CDHR2: variants seen among roughly 807,000 people sequenced by gnomAD.
CDHR2 encodes cadherin-related family member 2.
CDHR2 carries 104 observed loss-of-function variants against 138.6 expected under a neutral mutation model. The ratio of observed to expected loss-of-function variants is 0.75; its 90% CI spans 0.64 to 0.88. CDHR2 has a LOEUF of 0.88. Ranked by LOEUF, CDHR2 falls within the 40% of genes least tolerant of loss-of-function variation. CDHR2 has a pLI of 0.00. For missense variants in CDHR2, 1,624 were observed against 1,727.6 expected, an observed-to-expected ratio of 0.94 and a Z score of 1.06; for synonymous variants, 755 against 742.8, an observed-to-expected ratio of 1.02 and a Z score of -0.27.
At chr5:176,547,257 G>A (rs1180845087), upstream of CDHR2, among the ~76,000 whole-genome samples, 2 of 152,098 alleles carry the variant, frequency 1.3e-5, no homozygotes, top group South Asian at 2.1e-4. Flanking sequence ...GATTACAGGC[G>A]CGAGCCACCA....
chr5:176,581,718 C>A (rs1758539345), intron 17 of CDHR2, 136 bp downstream of exon 17: 3 of 1,155,224 alleles, frequency 2.6e-6, no homozygotes, highest in South Asian at 2.9e-5. Flanking sequence ...TGGCCCCAGG[C>A]AATTACTCAA....
In CDHR2 at chr5:176,591,293, T is replaced by C. The variant is rs1430212020; in HGVS notation, c.3623T>C (p.Ile1208Thr). The C allele has an allele frequency of 2.5e-6, 4 of 1,613,952 alleles. No homozygotes were observed. Among genetic ancestry groups the C allele is most frequent in the African/African-American group, 2.7e-5 (2 of 75,050 alleles). The change falls in exon 29 of 32, where the codon ATC becomes ACC. Residue 1208 changes from isoleucine (I) to threonine (T), a missense_variant. Ile to Thr is a moderately conservative substitution (Grantham distance 89). Coordinates refer to ENST00000261944, the MANE Select transcript of CDHR2 (RefSeq NM_017675.6). ...AAGVMPSAPAIPGTNMYNTER... is the reference protein window; with the variant it reads ...AAGVMPSAPATPGTNMYNTER... ...GGGGTGATGCCCTCAGCCCCTGCCA[T>C]CCCAGGGACTAACATGTACAACACT...
At chr5:176,585,890 G>A in intron 19 of CDHR2, 64 bp from the exon 20 acceptor site, 1 of 1,288,790 alleles carries the variant, frequency 7.8e-7, no homozygotes, top group Non-Finnish European at 1.1e-6. Context: ...GCACAGGGTT[G>A]AGGCCCAGGC....
At chr5:176,585,134 G>T (rs913149766) in intron 19 of CDHR2, 119 bp downstream of exon 19, 1 of 1,240,906 alleles carries the variant, frequency 8.1e-7, no homozygotes, top group Non-Finnish European at 1.1e-6. Context: ...CTTTCCAGCT[G>T]CAAATACTGG....
chr5:176,575,122 G>T lies in CDHR2; in HGVS notation c.534G>T (p.Arg178=). ...CTGGGGACAGCGAGCATCTCTTCCG[G>T]ATCCTGGCCAATGGCTCCATAGTCC... ...PSTGDSEHLF[R]ILANGSIVLN... is the part of the protein sequence containing the mutation. Residue 178 remains arginine (R), a synonymous_variant, in exon 8 of 32, where the codon CGG becomes CGT. Transcript: ENST00000261944. The T allele has an allele frequency of 6.2e-7, 1 of 1,614,172 alleles. No individual in the cohort carries two copies. The highest frequency in any genetic ancestry group is 8.5e-7 in the Non-Finnish European group (1 of 1,180,040).
chr5:176,590,811 AC>A, intron 28 of CDHR2, 124 bp downstream of exon 28: 1 of 1,312,498 alleles, frequency 7.6e-7, no homozygotes, highest in Non-Finnish European at 1.1e-6. Flanking sequence ...CTCCCCAGTG[AC>A]CCAGTGCGAG....
chr5:176,552,564 C>G (rs1757729897), intron 1 of CDHR2, among the ~76,000 whole-genome samples: 1 of 152,234 alleles, frequency 6.6e-6, no homozygotes, highest in Non-Finnish European at 1.5e-5. Context: ...AGTGACCTAT[C>G]ATGGGGAAGG....
Position 176,582,312 on chromosome 5 carries a change from GCCTGGCTA to G in CDHR2, c.2058+731_2058+738del, listed in dbSNP as rs1251996735. 2.0e-5 allele frequency among the ~76,000 whole-genome samples: 3 copies of G among 152,294 alleles called. No homozygotes were observed. In the East Asian group the frequency reaches 5.8e-4, roughly 29 times the overall value. On this transcript the variant is annotated intron_variant, in intron 17 of 31. Transcript: ENST00000261944. Reference sequence around the variant, plus strand: ...TAAGACTAAAGATGCGTGCCACCATGCCTGGCTAATTTGGCTAATTTTTAAAATTTATT... The same window carrying G: ...TAAGACTAAAGATGCGTGCCACCATGATTTGGCTAATTTTTAAAATTTATT...
At chr5:176,563,477 T>C (rs1272639507) in intron 1 of CDHR2, among the ~76,000 whole-genome samples, 1 of 151,952 alleles carries the variant, frequency 6.6e-6, no homozygotes. Flanking sequence ...CTTATTTAGC[T>C]GCTAGAGAAA....
At chr5:176,586,902 G>A in intron 21 of CDHR2, 60 bp downstream of exon 21, 11 of 1,391,448 alleles carry the variant, frequency 7.9e-6, no homozygotes, top group Non-Finnish European at 9.1e-6. Context: ...CAGGGCTGAG[G>A]CCTTCAGGCC....
intron 5 of CDHR2, among the ~76,000 whole-genome samples, chr5:176,569,342 G>A (rs1371629225): frequency 6.8e-6 from 1 of 147,654 alleles, no homozygotes; most frequent in Non-Finnish European, 1.5e-5. Flanking sequence ...GGAGTGCAGT[G>A]GCGCGATCTC....
intron 1 of CDHR2, among the ~76,000 whole-genome samples, chr5:176,549,863 A>G (rs1019040222): frequency 1.3e-5 from 2 of 152,124 alleles, no homozygotes; most frequent in African/African-American, 4.8e-5. Flanking sequence ...CCGTTTCCTC[A>G]TTTATCAAAT....
intron 15 of CDHR2, 99 bp downstream of exon 15, chr5:176,578,194 G>A: frequency 7.8e-7 from 1 of 1,284,900 alleles, no homozygotes. Flanking sequence ...AAGACCGAAG[G>A]CACTCAGTTA....
upstream of CDHR2, among the ~76,000 whole-genome samples, chr5:176,548,978 A>G (rs146846354): frequency 2.3e-3 from 347 of 152,152 alleles, no homozygotes; most frequent in Middle Eastern, 0.017. Flanking sequence ...TCCTGACTCA[A>G]TCCCCCACTT....
intron 1 of CDHR2, among the ~76,000 whole-genome samples, chr5:176,563,420 C>A (rs1306102705): frequency 6.6e-6 from 1 of 152,050 alleles, no homozygotes; most frequent in Non-Finnish European, 1.5e-5. Flanking sequence ...CAGCTGTGAA[C>A]TGGATGAGCT....
chr5:176,556,028 G>T (rs192671676), intron 1 of CDHR2, among the ~76,000 whole-genome samples: 4 of 152,210 alleles, frequency 2.6e-5, no homozygotes, highest in Non-Finnish European at 4.4e-5. Flanking sequence ...TTCTCAACCT[G>T]CCTCCCTCCC....
upstream of CDHR2, among the ~76,000 whole-genome samples, chr5:176,546,932 T>G (rs1200835261): frequency 2.6e-5 from 4 of 151,398 alleles, no homozygotes; most frequent in Non-Finnish European, 5.9e-5. Context: ...AACTCAGAAC[T>G]GCATCATAGC....
chr5:176,588,316 A>G (rs11741767), intron 21 of CDHR2, among the ~76,000 whole-genome samples: 1 of 149,910 alleles, frequency 6.7e-6, no homozygotes. Context: ...GTGGGTGTGT[A>G]TGTGTGTGAC....
Position 176,577,472 on chromosome 5 carries a change from C to T in CDHR2, c.1268C>T (p.Ala423Val), listed in dbSNP as rs759235610. 4 of 1,610,572 alleles carry T rather than the reference C, an allele frequency of 2.5e-6. No individual in the cohort carries two copies. The highest frequency in any genetic ancestry group is 3.4e-5 in the Admixed American group (2 of 59,364). The change falls in exon 13 of 32, where the codon GCA becomes GTA. Residue 423 changes from alanine to valine, a missense_variant. This residue lies in a region of CDHR2 where 1,061 missense variants were observed against 1,136.6 expected (regional missense o/e 0.93). Coordinates refer to ENST00000261944, the MANE Select transcript of CDHR2 (RefSeq NM_017675.6). ...GCCTTCAGCGTCTCCCCGGAGCGGG[C>T]AGTGGGCTCAGCCTCCGTTCAGGTG... ...AEAFSVSPER[A>V]VGSASVQVLV...
Sources: allele counts gnomAD v4.1 joint callset (sites outside exome capture counted in the v4.1 genomes callset), GRCh38; gene constraint gnomAD v4.1.1; regional missense constraint gnomAD v4.1.1; transcripts MANE v1.5; gene names NCBI Gene and HGNC (gene_info 2026-07-23, HGNC 2026-07-21).